Variants in ZNF215 observed in about 807,000 individuals in gnomAD.
The protein encoded by ZNF215 is BWSCR2-associated zinc finger protein 2.
A neutral mutation model predicts 27.2 loss-of-function variants in ZNF215; 24 were observed. The observed-to-expected ratio is 0.88, with a 90% CI of 0.64 to 1.24. ZNF215 has a LOEUF of 1.24. Among genes scored for constraint, ZNF215 ranks in the 50% most tolerant of loss-of-function variants. The pLI is 0.00. For missense variants in ZNF215, 675 were observed against 605.7 expected (o/e 1.11, Z -1.20); for synonymous variants, 210 against 204.0 (o/e 1.03, Z -0.25).
chr11:6,930,413 A>C (rs966940792), intron 2 of ZNF215, among the ~76,000 whole-genome samples: 47 of 152,228 alleles, frequency 3.1e-4, no homozygotes, highest in African/African-American at 1.1e-3. Context: ...GTTCACACTT[A>C]GGTCTCCAAC....
intron 5 of ZNF215, among the ~76,000 whole-genome samples, chr11:6,963,656 G>A (rs1850561265): frequency 6.6e-6 from 1 of 152,046 alleles, no homozygotes; most frequent in South Asian, 2.1e-4. Context: ...ACCTAGGTGT[G>A]AGATTGTTGT....
intron 4 of ZNF215, among the ~76,000 whole-genome samples, chr11:6,941,883 C>T (rs758828364): frequency 2.0e-5 from 3 of 152,134 alleles, no homozygotes; most frequent in Non-Finnish European, 4.4e-5. Flanking sequence ...TCTGTAGACA[C>T]TATAGATGTA....
downstream of ZNF215, among the ~76,000 whole-genome samples, chr11:6,958,675 A>G (rs1028322539): frequency 1.3e-5 from 2 of 152,190 alleles, no homozygotes; most frequent in African/African-American, 4.8e-5. Context: ...GAGGTCCCAC[A>G]ATAGGCTGCC....
chr11:6,975,622 G>A (rs1326275146), intron 5 of ZNF215, among the ~76,000 whole-genome samples: 1 of 152,010 alleles, frequency 6.6e-6, no homozygotes, highest in African/African-American at 2.4e-5. Context: ...AACATGTGAT[G>A]TTCGTCTTTC....
At chr11:6,992,977 T>C (rs1410708742), downstream of ZNF215, among the ~76,000 whole-genome samples, 1 of 152,230 alleles carries the variant, frequency 6.6e-6, no homozygotes, top group Non-Finnish European at 1.5e-5. Flanking sequence ...GATGGCAGAA[T>C]GTCCAGATGT....
chr11:6,949,656 C>T (rs71472618), intron 6 of ZNF215, among the ~76,000 whole-genome samples: 8,952 of 152,038 alleles, frequency 0.059, 336 homozygotes, highest in East Asian at 0.15. Flanking sequence ...GAGTAGGTTG[C>T]GAAAATTTTC....
chr11:6,965,833 A>G lies in ZNF215; in HGVS notation c.805+10051A>G, dbSNP rs547709446. Among the ~76,000 whole-genome samples, 5 of 151,996 alleles carry G rather than the reference A, an allele frequency of 3.3e-5. No individual in the cohort carries two copies. The South Asian group carries it at 1.0e-3, about 32-fold the overall frequency. ...TATATAGTCAATCATGTCATCTGTG[A>G]CTATTTTTTAGTATTTTAGTTCTGT... On this transcript the variant is annotated intron_variant, in intron 5 of 5. Coordinates refer to the ZNF215 transcript ENST00000529903.
At chr11:6,944,827 C>G (rs777477957) in intron 6 of ZNF215, among the ~76,000 whole-genome samples, 1 of 151,940 alleles carries the variant, frequency 6.6e-6, no homozygotes, top group African/African-American at 2.4e-5. Flanking sequence ...ATTTTATATC[C>G]TCTTTTCACC....
intron 6 of ZNF215, among the ~76,000 whole-genome samples, chr11:6,951,327 C>G (rs1185166404): frequency 2.0e-5 from 3 of 152,026 alleles, no homozygotes; most frequent in Admixed American, 2.0e-4. Flanking sequence ...CCTCCTTGTA[C>G]CTCTGGTAGA....
At chr11:6,972,113 C>G (rs1850730074) in intron 5 of ZNF215, among the ~76,000 whole-genome samples, 1 of 152,030 alleles carries the variant, frequency 6.6e-6, no homozygotes, top group Admixed American at 6.6e-5. Context: ...ATCTGGGAAA[C>G]TACATTAAAT....
Position 6,967,602 on chromosome 11 carries a change from G to A in ZNF215, c.805+11820G>A, listed in dbSNP as rs184817208. Among the ~76,000 whole-genome samples, 252 of 152,064 alleles carry A rather than the reference G, an allele frequency of 1.7e-3. 1 individual carries two copies. Among genetic ancestry groups the A allele is most frequent in the African/African-American group, 5.7e-3 (235 of 41,498 alleles). On this transcript the variant is annotated intron_variant, in intron 5 of 5. Transcript: ENST00000529903. ...TATGCTTTTTAGCCACATAAATGTCGTATTTTGAGAGGCATCTGTTGATAC... is the reference window on the plus strand; with the variant it reads ...TATGCTTTTTAGCCACATAAATGTCATATTTTGAGAGGCATCTGTTGATAC...
chr11:6,976,286 T>C (rs1043884191), intron 5 of ZNF215, among the ~76,000 whole-genome samples: 6 of 152,042 alleles, frequency 3.9e-5, no homozygotes, highest in Non-Finnish European at 8.8e-5. Flanking sequence ...GGCCTGAGTA[T>C]CATAAAATTG....
At chr11:6,938,739 G>A (rs949968277) in intron 3 of ZNF215, among the ~76,000 whole-genome samples, 10 of 152,106 alleles carry the variant, frequency 6.6e-5, no homozygotes, top group African/African-American at 2.4e-4. Context: ...GAAAGGGAGT[G>A]TGTATGAGAG....
At chr11:6,971,311 T>C (rs931823760) in intron 5 of ZNF215, among the ~76,000 whole-genome samples, 10 of 152,336 alleles carry the variant, frequency 6.6e-5, no homozygotes, top group African/African-American at 2.4e-4. Context: ...AGTGAATTAA[T>C]CATATCTCGT....
intron 3 of ZNF215, 150 bp from the exon 4 acceptor site, chr11:6,941,421 G>GA (rs1248768573): frequency 1.6e-6 from 1 of 613,960 alleles, no homozygotes; most frequent in African/African-American, 1.8e-5. Flanking sequence ...CCTGACCTTT[G>GA]AAGATTGTGA....
chr11:6,966,079 A>G (rs1850612700), intron 5 of ZNF215, among the ~76,000 whole-genome samples: 1 of 152,132 alleles, frequency 6.6e-6, no homozygotes, highest in Non-Finnish European at 1.5e-5. Context: ...TATGAAATCT[A>G]TTTTTTAAGA....
chr11:6,978,740 A>G (rs1850883404), intron 5 of ZNF215, among the ~76,000 whole-genome samples: 1 of 130,368 alleles, frequency 7.7e-6, no homozygotes, highest in Non-Finnish European at 1.6e-5. Context: ...GCAACATAGC[A>G]AGGCTCCATC....
chr11:6,937,200 T>A (rs1273511471), intron 3 of ZNF215, among the ~76,000 whole-genome samples: 1 of 152,010 alleles, frequency 6.6e-6, no homozygotes, highest in East Asian at 1.9e-4. Flanking sequence ...AGTAAAAAAC[T>A]ATTAGACCTA....
At chr11:6,987,064 A>C (rs1294712926), downstream of ZNF215, among the ~76,000 whole-genome samples, 1 of 152,216 alleles carries the variant, frequency 6.6e-6, no homozygotes, top group Non-Finnish European at 1.5e-5. Flanking sequence ...AAATCATTTT[A>C]TCAAAACGAC....
Sources: gnomAD v4.1 joint callset for allele counts (sites outside exome capture counted in the v4.1 genomes callset) on GRCh38, gnomAD v4.1.1 for gene constraint, MANE v1.5 for transcripts, NCBI Gene and HGNC (gene_info 2026-07-23, HGNC 2026-07-21) for gene names.